GRAMD2A: variants seen among roughly 807,000 people sequenced by gnomAD.
The protein encoded by GRAMD2A is GRAM domain-containing protein 2A.
Under a neutral mutation model 51.1 loss-of-function variants are expected in GRAMD2A, and 37 were observed. That is an observed-to-expected ratio of 0.72 (90% confidence interval 0.56 to 0.95). The LOEUF (loss-of-function observed/expected upper bound fraction) is 0.95, where lower values mean the gene tolerates loss of function less well. Among genes scored for constraint, GRAMD2A ranks in the 40% least tolerant of loss-of-function variants. The pLI, the probability that GRAMD2A is intolerant of heterozygous loss-of-function variation, is 0.00. For missense variants in GRAMD2A, 414 were observed against 426.9 expected, an observed-to-expected ratio of 0.97 and a Z score of 0.27; for synonymous variants, 136 against 157.1, an observed-to-expected ratio of 0.87 and a Z score of 1.01.
rs535073922 is a variant in GRAMD2A at position 72,190,084 on chromosome 15, A to C, written c.41+7647T>G. On this transcript the variant is annotated intron_variant, in intron 1 of 11. Transcript: ENST00000309731. ...GCAGTCCTGACTATTAGAAAGTTCT[A>C]ATAGTCAATTAGCTGGGCGTGGTGG... is the stretch of plus-strand genomic sequence containing the variant. Among the ~76,000 whole-genome samples the C allele has an allele frequency of 2.0e-5, 3 of 152,326 alleles. No homozygotes were observed. In the South Asian group the frequency reaches 6.2e-4, roughly 32 times the overall value.
Position 72,167,102 on chromosome 15 carries a change from A to T in GRAMD2A, c.373-10T>A. 1 of 1,592,522 alleles carries T rather than the reference A, an allele frequency of 6.3e-7. No individual in the cohort carries two copies. The highest frequency in any genetic ancestry group is 8.6e-7 in the Non-Finnish European group (1 of 1,160,340). On this transcript the variant is annotated splice_polypyrimidine_tract_variant and intron_variant, in intron 5 of 11. Transcript: ENST00000309731. ...CCACAGGAATGACCACCTGAGAGGG[A>T]GAGGGATGCTTCTCTCAGGACTAAC...
intron 1 of GRAMD2A, among the ~76,000 whole-genome samples, chr15:72,184,540 T>TG (rs2140557850): frequency 6.6e-6 from 1 of 152,354 alleles, no homozygotes; most frequent in African/African-American, 2.4e-5. Context: ...GCGTGGTAAC[T>TG]GGCCTGGCTG....
rs1209247729 is a variant in GRAMD2A, at chr15:72,160,315, G to C, written c.*1694C>G. On this transcript the variant is annotated 3_prime_UTR_variant, in exon 12 of 12. Coordinates refer to ENST00000309731, the MANE Select transcript of GRAMD2A (RefSeq NM_001012642.3). ...CCTAAAAAAAAAAGACGGATGAAAG[G>C]GTGAAAGGGGCTGGTTCCAAAAAAA... 7.2e-6 allele frequency: 1 copy of C among 139,468 alleles called. No individual in the cohort carries two copies. Among genetic ancestry groups the C allele is most frequent in the Non-Finnish European group, 1.5e-5 (1 of 65,518 alleles). 8.6% of individuals were successfully genotyped at this position (139,468 alleles called of 1,614,324 possible).
Position 72,161,123 on chromosome 15 carries a change from A to C in GRAMD2A, c.*886T>G, listed in dbSNP as rs991076408. Reference sequence around the variant, plus strand: ...CAGGGAGTGGACAGCAAGACCTCAGATCCAAGCCTCCACCCTTCCCTTCCC... The same window carrying C: ...CAGGGAGTGGACAGCAAGACCTCAGCTCCAAGCCTCCACCCTTCCCTTCCC... On this transcript the variant is annotated 3_prime_UTR_variant, in exon 12 of 12. Transcript: ENST00000309731. The C allele has an allele frequency of 5.3e-5, 8 of 152,354 alleles. No individual in the cohort carries two copies. Among genetic ancestry groups the C allele is most frequent in the African/African-American group, 1.7e-4 (7 of 41,442 alleles). The allele number at this position is 152,354 out of a possible 1,614,324, so 9.4% of individuals were successfully genotyped here. A position where few individuals can be genotyped will look rare whatever the true frequency, so the allele number is the denominator to read the frequency against.
At chr15:72,165,962 G>A (rs537248792) in intron 7 of GRAMD2A, among the ~76,000 whole-genome samples, 7 of 151,810 alleles carry the variant, frequency 4.6e-5, no homozygotes, top group East Asian at 1.9e-4. Flanking sequence ...TCCTCCTCCC[G>A]GGTTCAAGTG....
Position 72,197,247 on chromosome 15 carries a change from G to A in GRAMD2A, c.41+484C>T, listed in dbSNP as rs563217006. On this transcript the variant is annotated intron_variant, in intron 1 of 11. Transcript: ENST00000309731. ...AGCTGCCTCCCCGCAGCCGCGGGCC[G>A]CTACAATACGGATTCGGCGGCGAGA... 3.4e-4 allele frequency among the ~76,000 whole-genome samples: 52 copies of A among 152,286 alleles called. No individual in the cohort carries two copies. In the South Asian group the frequency reaches 0.011, roughly 32 times the overall value.
At chr15:72,165,804 C>G (rs1317954050) in intron 7 of GRAMD2A, among the ~76,000 whole-genome samples, 1 of 150,882 alleles carries the variant, frequency 6.6e-6, no homozygotes, top group Non-Finnish European at 1.5e-5. Context: ...AAGTGATAGG[C>G]TTCCTGTAGA....
At chr15:72,162,567 C>G (rs1455396419) in intron 10 of GRAMD2A, among the ~76,000 whole-genome samples, 190 bp from the exon 11 acceptor site, 1 of 152,144 alleles carries the variant, frequency 6.6e-6, no homozygotes, top group African/African-American at 2.4e-5. Flanking sequence ...AGACTTGTCC[C>G]CATGGAAGTG....
chr15:72,165,235 A>T (rs1405706443), intron 8 of GRAMD2A, 119 bp downstream of exon 8: 2 of 865,558 alleles, frequency 2.3e-6, no homozygotes, highest in Non-Finnish European at 3.8e-6. Context: ...TAGCATGGCC[A>T]CTGACTCTTG....
intron 10 of GRAMD2A, chr15:72,162,670 T>C: frequency 3.3e-6 from 1 of 298,586 alleles, no homozygotes; most frequent in South Asian, 4.2e-5. Flanking sequence ...ACCCTCTCTC[T>C]CACCAGCCAT....
chr15:72,182,287 C>T (rs569081303), intron 1 of GRAMD2A, among the ~76,000 whole-genome samples: 3 of 150,938 alleles, frequency 2.0e-5, no homozygotes, highest in South Asian at 2.1e-4. Flanking sequence ...ATTGTTTGAG[C>T]CCGGGAGGTG....
At chr15:72,171,311 G>T in intron 1 of GRAMD2A, among the ~76,000 whole-genome samples, 1 of 151,166 alleles carries the variant, frequency 6.6e-6, no homozygotes, top group East Asian at 1.9e-4. Context: ...GATTTTTAAA[G>T]ATTATAGAAA....
At chr15:72,169,109 C>G in intron 2 of GRAMD2A, 113 bp from the exon 3 acceptor site, 1 of 881,828 alleles carries the variant, frequency 1.1e-6, no homozygotes, top group South Asian at 1.4e-5. Flanking sequence ...AGATCAGAGA[C>G]TAGGACCCTT....
At chr15:72,179,812 G>A (rs2081683486) in intron 1 of GRAMD2A, among the ~76,000 whole-genome samples, 1 of 152,088 alleles carries the variant, frequency 6.6e-6, no homozygotes, top group Non-Finnish European at 1.5e-5. Context: ...ATACCTAGAG[G>A]GGCATCTACC....
intron 1 of GRAMD2A, among the ~76,000 whole-genome samples, chr15:72,185,536 T>G (rs554056606): frequency 2.6e-4 from 39 of 152,376 alleles, no homozygotes; most frequent in African/African-American, 8.4e-4. Flanking sequence ...CAAATTAATT[T>G]GTAAATGTTC....
In GRAMD2A at chr15:72,163,282, T is replaced by C. The variant is rs2081500512; in HGVS notation, c.940A>G (p.Lys314Glu). Reference sequence around the variant, plus strand: ...GTCACTTACAGCACAAAGAAGACCTTGAGGAGCCGGTAATCCCAGAGCCTC... The same window carrying C: ...GTCACTTACAGCACAAAGAAGACCTCGAGGAGCCGGTAATCCCAGAGCCTC... Reference protein sequence around the residue: ...ELRLWDYRLLKVFFVLICFLV... With the variant: ...ELRLWDYRLLEVFFVLICFLV... The change falls in exon 10 of 12, where the codon AAG becomes GAG. Residue 314 changes from lysine to glutamate, a missense_variant. Physicochemically the swap from Lys to Glu is moderately conservative, Grantham distance 56. Transcript: ENST00000309731. The C allele has an allele frequency of 3.1e-6, 5 of 1,613,680 alleles. No homozygotes were observed. Among genetic ancestry groups the C allele is most frequent in the South Asian group, 2.2e-5 (2 of 91,080 alleles).
chr15:72,191,723 T>A (rs566308564), intron 1 of GRAMD2A, among the ~76,000 whole-genome samples: 2 of 152,046 alleles, frequency 1.3e-5, no homozygotes, highest in Admixed American at 1.3e-4. Context: ...CAACTCCCAA[T>A]GTATAGGAAA....
At chr15:72,169,447 C>A in intron 2 of GRAMD2A, 1 of 515,182 alleles carries the variant, frequency 1.9e-6, no homozygotes, top group Non-Finnish European at 3.7e-6. Context: ...GGCCATGATG[C>A]CAGCAGGACT....
intron 1 of GRAMD2A, among the ~76,000 whole-genome samples, chr15:72,178,447 T>C (rs1032664162): frequency 6.6e-6 from 1 of 152,118 alleles, no homozygotes; most frequent in Non-Finnish European, 1.5e-5. Context: ...CCTTTCCTGA[T>C]GGCAAACTAG....
Sources: allele counts gnomAD v4.1 joint callset (sites outside exome capture counted in the v4.1 genomes callset), GRCh38; gene constraint gnomAD v4.1.1; transcripts MANE v1.5; gene names NCBI Gene and HGNC (gene_info 2026-07-23, HGNC 2026-07-21).